The following EML4 variants were observed in gnomAD, a reference collection of about 807,000 sequenced individuals.
The protein encoded by EML4 is echinoderm microtubule-associated protein-like 4.
In EML4, 72 loss-of-function variants were observed where a neutral mutation model predicts 129.0. That is an observed-to-expected ratio of 0.56 (90% confidence interval 0.46 to 0.68). EML4 has a LOEUF of 0.68. EML4 is among the 30% of genes least tolerant of loss of function. EML4 has a pLI of 0.00. For synonymous variants in EML4, 532 were observed against 405.0 expected (o/e 1.31, Z -3.77); for missense variants, 1,363 against 1,190.6 (o/e 1.14, Z -2.13).
chr2:42,246,817 A>G (rs1675431328), intron 2 of EML4, among the ~76,000 whole-genome samples: 1 of 152,212 alleles, frequency 6.6e-6, no homozygotes, highest in South Asian at 2.1e-4. Context: ...CCAGCTGCTT[A>G]CAGAGATGTC....
chr2:42,312,275 C>G (rs779922085), intron 17 of EML4, among the ~76,000 whole-genome samples: 20 of 151,336 alleles, frequency 1.3e-4, no homozygotes, highest in Non-Finnish European at 2.5e-4. Flanking sequence ...CCCCCCCCCA[C>G]CATCGTCCCT....
At position 42,199,131 on chromosome 2, in the gene EML4, T is replaced by TGGGG. The variant is rs575221586; in HGVS notation, c.25+29496_25+29499dup. 1.8e-4 allele frequency among the ~76,000 whole-genome samples: 28 copies of TGGGG among 152,202 alleles called. No homozygotes were observed. The East Asian group carries it at 5.0e-3, about 27-fold the overall frequency. On this transcript the variant is annotated intron_variant, in intron 1 of 22. Coordinates refer to ENST00000318522, the MANE Select transcript of EML4 (RefSeq NM_019063.5). ...CATGAAGCTAAAGGGTGAAGTGTGA[T>TGGGG]GGGGAATAGGAGTGAAAGAGACAAA...
intron 1 of EML4, among the ~76,000 whole-genome samples, chr2:42,214,084 C>G (rs1673036016): frequency 6.6e-6 from 1 of 152,036 alleles, no homozygotes; most frequent in Non-Finnish European, 1.5e-5. Context: ...TCAATGAAAA[C>G]AAAAATGTAG....
chr2:42,316,437 A>C (rs6752455), intron 18 of EML4, among the ~76,000 whole-genome samples: 22,703 of 152,226 alleles, frequency 0.15, 1,750 homozygotes, highest in East Asian at 0.18. Flanking sequence ...GAAATTCAAA[A>C]TACGCAAATT....
chr2:42,325,602 T>TTTTATATATATATATATATATA (rs1286364147), intron 20 of EML4, 48 bp downstream of exon 20: 19 of 124,296 alleles, frequency 1.5e-4, no homozygotes, highest in African/African-American at 5.3e-4. Context: ...ATGATTATAT[T>TTTTATATATATATATATATATA]TATATATATA....
intron 1 of EML4, among the ~76,000 whole-genome samples, chr2:42,218,238 C>A (rs1318729990): frequency 6.6e-6 from 1 of 151,988 alleles, no homozygotes; most frequent in Non-Finnish European, 1.5e-5. Flanking sequence ...CTCGGTTGCT[C>A]ACTCCTTATG....
At chr2:42,278,481 G>A (rs1478093579) in intron 6 of EML4, among the ~76,000 whole-genome samples, 2 of 151,574 alleles carry the variant, frequency 1.3e-5, no homozygotes, top group Admixed American at 6.6e-5. Flanking sequence ...GGCTGAGTGG[G>A]GAGAATCACT....
At chr2:42,239,915 G>C (rs1449775484) in intron 1 of EML4, among the ~76,000 whole-genome samples, 1 of 151,958 alleles carries the variant, frequency 6.6e-6, no homozygotes, top group Non-Finnish European at 1.5e-5. Context: ...TAGAGATTGG[G>C]AGGGAAAAAA....
intron 1 of EML4, among the ~76,000 whole-genome samples, chr2:42,215,621 C>T (rs1673139409): frequency 1.3e-5 from 2 of 151,902 alleles, no homozygotes; most frequent in Non-Finnish European, 2.9e-5. Flanking sequence ...TTTTGCTATA[C>T]TTGGGTTACC....
intron 1 of EML4, among the ~76,000 whole-genome samples, chr2:42,220,163 C>A (rs908508356): frequency 8.6e-5 from 13 of 151,598 alleles, no homozygotes; most frequent in Non-Finnish European, 1.8e-4. Flanking sequence ...TGAAAAAATA[C>A]CAGTTATCCA....
intron 1 of EML4, among the ~76,000 whole-genome samples, chr2:42,182,685 C>A (rs1671017826): frequency 6.6e-6 from 1 of 152,178 alleles, no homozygotes; most frequent in South Asian, 2.1e-4. Flanking sequence ...CTTCCCAAAT[C>A]TTGTTTACAT....
In EML4 at chr2:42,280,887, A is replaced by G. The variant is rs533402755; in HGVS notation, c.705A>G (p.Pro235=). Residue 235 remains proline, a synonymous_variant, in exon 7 of 23, where the codon CCA becomes CCG. Transcript: ENST00000318522. ...TTAAAATGTTTATGCGCGGTCGGCC[A>G]ATTACCATGTTCATTCCTTCCGATG... The part of the protein sequence containing the change: ...EYIKMFMRGR[P]ITMFIPSDVD... The G allele has an allele frequency of 5.6e-6, 9 of 1,612,214 alleles. No individual in the cohort carries two copies. The highest frequency in any genetic ancestry group is 1.1e-5 in the South Asian group (1 of 90,776).
At chr2:42,315,057 T>G (rs868194889) in intron 17 of EML4, among the ~76,000 whole-genome samples, 1 of 152,330 alleles carries the variant, frequency 6.6e-6, no homozygotes, top group South Asian at 2.1e-4. Flanking sequence ...GCTGGTTCTT[T>G]TGAATCACAC....
At position 42,270,776 on chromosome 2, in the gene EML4, G is replaced by A. The variant is rs542180989; in HGVS notation, c.667+6045G>A. On this transcript the variant is annotated intron_variant, in intron 6 of 22. Transcript: ENST00000318522. Reference sequence around the variant, plus strand: ...AGATTCTTTCCTTTTTACCAAGGTGGTATCCCAAACTTGGCAATTCCCGAA... The same window carrying A: ...AGATTCTTTCCTTTTTACCAAGGTGATATCCCAAACTTGGCAATTCCCGAA... Among the ~76,000 whole-genome samples, 5 of 152,324 alleles carry A rather than the reference G, an allele frequency of 3.3e-5. No individual in the cohort carries two copies. The East Asian group carries it at 7.7e-4, about 23-fold the overall frequency.
chr2:42,228,001 C>G (rs1267107615), intron 1 of EML4, among the ~76,000 whole-genome samples: 2 of 152,130 alleles, frequency 1.3e-5, no homozygotes, highest in Non-Finnish European at 2.9e-5. Flanking sequence ...GGGCGGATTA[C>G]TTGAGGTCAG....
In EML4 at chr2:42,331,566, T is replaced by A. The variant is rs1670103193; in HGVS notation, c.*1359T>A. 4.5e-6 allele frequency: 1 copy of A among 223,708 alleles called. No homozygotes were observed. The highest frequency in any genetic ancestry group is 8.9e-6 in the Non-Finnish European group (1 of 111,916). 13.9% of individuals were successfully genotyped at this position (223,708 alleles called of 1,614,324 possible). On this transcript the variant is annotated 3_prime_UTR_variant, in exon 23 of 23. Transcript: ENST00000318522. ...CTTGCTGCATTGTTTTGATACTTTC[T>A]ATTTTTTTGGTCAAATCATGTTTAG... is the stretch of plus-strand genomic sequence containing the variant.
chr2:42,317,492 G>C lies in EML4; in HGVS notation c.2122G>C (p.Gly708Arg). The C allele has an allele frequency of 1.2e-6, 2 of 1,612,104 alleles. 1 individual carries two copies. The highest frequency in any genetic ancestry group is 2.2e-5 in the South Asian group (2 of 90,842). ...FIYLYVVSEN[G>R]RKYSRYGRCT... ...TTACCTCTATGTAGTCTCTGAAAAT[G>C]GAAGAAAATATAGCAGATATGGAAG... The change falls in exon 19 of 23, where the codon GGA becomes CGA. Residue 708 changes from glycine (G) to arginine (R), a missense_variant. Coordinates refer to ENST00000318522, the MANE Select transcript of EML4 (RefSeq NM_019063.5).
At chr2:42,306,767 A>G (rs1047911419) in intron 17 of EML4, among the ~76,000 whole-genome samples, 5 of 151,402 alleles carry the variant, frequency 3.3e-5, no homozygotes, top group Admixed American at 2.0e-4. Context: ...CCAAAGTGCT[A>G]GGATTACAGG....
intron 19 of EML4, among the ~76,000 whole-genome samples, chr2:42,319,261 T>A (rs1221963473): frequency 2.6e-5 from 4 of 152,160 alleles, no homozygotes; most frequent in African/African-American, 9.7e-5. Flanking sequence ...TTTCATTTCG[T>A]GTCTTATTTT....
Sources: gnomAD v4.1 joint callset for allele counts (sites outside exome capture counted in the v4.1 genomes callset) on GRCh38, gnomAD v4.1.1 for gene constraint, MANE v1.5 for transcripts, NCBI Gene and HGNC (gene_info 2026-07-23, HGNC 2026-07-21) for gene names.